EEF2K: variants seen among roughly 807,000 people sequenced by gnomAD.
EEF2K encodes alternative protein EEF2K.
A neutral mutation model predicts 93.8 loss-of-function variants in EEF2K; 70 were observed. That is an observed-to-expected ratio of 0.75 (90% CI 0.62 to 0.91). The LOEUF is 0.91. Among genes scored for constraint, EEF2K ranks in the 40% least tolerant of loss-of-function variants. The probability of loss-of-function intolerance (pLI) is 0.00; values close to 1 mark genes in which losing one functional copy is unlikely to be tolerated. For synonymous variants in EEF2K, 376 were observed against 380.8 expected, an observed-to-expected ratio of 0.99 and a Z score of 0.15; for missense variants, 935 against 972.9, an observed-to-expected ratio of 0.96 and a Z score of 0.52.
chr16:22,256,739 TCC>T lies in EEF2K; in HGVS notation c.619-7_619-6del, dbSNP rs750681800. Reference sequence around the variant, plus strand: ...CCCTCCCGCCTGAGCCCACTCCCCATCCCACCAGGTGGACATCATGCAGATGT... The same window carrying T: ...CCCTCCCGCCTGAGCCCACTCCCCATCACCAGGTGGACATCATGCAGATGT... On this transcript the variant is annotated splice_region_variant and splice_polypyrimidine_tract_variant and intron_variant, in intron 6 of 17. Transcript: ENST00000263026. 13 of 1,612,856 alleles carry T rather than the reference TCC, an allele frequency of 8.1e-6. No individual in the cohort carries two copies. Among genetic ancestry groups the T allele is most frequent in the African/African-American group, 5.3e-5 (4 of 74,814 alleles).
intron 2 of EEF2K, among the ~76,000 whole-genome samples, chr16:22,229,478 A>G (rs946305307): frequency 6.6e-6 from 1 of 152,122 alleles, no homozygotes; most frequent in East Asian, 1.9e-4. Context: ...ACGGGCAGGC[A>G]GATCACCTGA....
At position 22,226,326 on chromosome 16, in the gene EEF2K, T is replaced by A. The variant is rs2047062871; in HGVS notation, c.246+351T>A. On this transcript the variant is annotated intron_variant, in intron 2 of 17. Transcript: ENST00000263026. ...AGGCTGGAGTGCAGAGGTGCTGTTC[T>A]TTTTTTTTTTTTTTTTTTTTTTTTA... is the stretch of plus-strand genomic sequence containing the variant. Among the ~76,000 whole-genome samples, 3 of 69,532 alleles carry A rather than the reference T, an allele frequency of 4.3e-5. No individual in the cohort carries two copies. The Admixed American group carries it at 5.1e-4, about 12-fold the overall frequency. 45.6% of individuals were successfully genotyped at this position (69,532 alleles called of 152,430 possible). A position where few individuals can be genotyped will look rare whatever the true frequency, so the allele number is the denominator to read the frequency against.
chr16:22,234,565 G>C (rs898650422), intron 2 of EEF2K, among the ~76,000 whole-genome samples: 2 of 151,604 alleles, frequency 1.3e-5, no homozygotes, highest in Non-Finnish European at 2.9e-5. Context: ...AATTTTAGCA[G>C]TTTTTGGAAA....
chr16:22,261,438 C>G (rs1227684256), intron 11 of EEF2K, among the ~76,000 whole-genome samples: 1 of 152,096 alleles, frequency 6.6e-6, no homozygotes, highest in Non-Finnish European at 1.5e-5. Context: ...CCTGTAATCC[C>G]AGCACTTTGG....
chr16:22,217,792 T>C (rs1308846509), intron 1 of EEF2K, among the ~76,000 whole-genome samples: 10 of 152,126 alleles, frequency 6.6e-5, no homozygotes. Flanking sequence ...AGAAAACCTA[T>C]CTGTAACTAG....
At chr16:22,251,019 C>T (rs140219296) in intron 5 of EEF2K, 132 bp from the exon 6 acceptor site, 5 of 1,116,316 alleles carry the variant, frequency 4.5e-6, no homozygotes, top group Admixed American at 2.2e-5. Flanking sequence ...GTCCTTCTTA[C>T]CTCCTGCATT....
At chr16:22,257,897 G>A in intron 9 of EEF2K, 127 bp downstream of exon 9, 1 of 1,413,968 alleles carries the variant, frequency 7.1e-7, no homozygotes, top group Non-Finnish European at 9.6e-7. Flanking sequence ...AGGGCTGGAA[G>A]CATCTGTCCC....
rs1210893018 is a variant in EEF2K, at chr16:22,225,638, C to A, written c.-76-16C>A. 9.1e-6 allele frequency: 14 copies of A among 1,543,780 alleles called. No individual in the cohort carries two copies. The highest frequency in any genetic ancestry group is 1.2e-5 in the Non-Finnish European group (14 of 1,147,278). ...GGGCCCCAGCACCCACTCTCTGGCC[C>A]TTGCTTTCCTTGTAGGACCTTCGCC... On this transcript the variant is annotated splice_polypyrimidine_tract_variant and intron_variant, in intron 1 of 17. Transcript: ENST00000263026.
At chr16:22,275,595 T>TGCCTCC (rs1193965270) in intron 16 of EEF2K, among the ~76,000 whole-genome samples, 2 of 151,608 alleles carry the variant, frequency 1.3e-5, no homozygotes, top group Non-Finnish European at 2.9e-5. Flanking sequence ...TACCTGCCTC[T>TGCCTCC]GCCTCCCAAA....
chr16:22,244,397 C>T (rs947113078), intron 2 of EEF2K, among the ~76,000 whole-genome samples: 3 of 151,158 alleles, frequency 2.0e-5, no homozygotes, highest in Admixed American at 6.6e-5. Flanking sequence ...CTCTTTGATC[C>T]AAGCGTTGTG....
intron 16 of EEF2K, among the ~76,000 whole-genome samples, chr16:22,278,196 A>C (rs1041932636): frequency 3.9e-5 from 6 of 152,096 alleles, no homozygotes; most frequent in African/African-American, 1.4e-4. Flanking sequence ...AACAGAGTGA[A>C]ACGCTATCTC....
intron 15 of EEF2K, among the ~76,000 whole-genome samples, chr16:22,273,331 A>G (rs878920281): frequency 3.3e-5 from 5 of 152,206 alleles, no homozygotes; most frequent in Non-Finnish European, 7.3e-5. Context: ...AGCCATAGAA[A>G]CAGGCAGTAA....
chr16:22,228,169 G>A (rs992855666), intron 2 of EEF2K, among the ~76,000 whole-genome samples: 2 of 152,026 alleles, frequency 1.3e-5, no homozygotes, highest in African/African-American at 4.8e-5. Flanking sequence ...AGTATTGTGT[G>A]TCACACATTA....
chr16:22,246,183 A>G (rs577092263), intron 3 of EEF2K, among the ~76,000 whole-genome samples: 1 of 152,138 alleles, frequency 6.6e-6, no homozygotes, highest in African/African-American at 2.4e-5. Flanking sequence ...ACTCAGGGAA[A>G]CACTTACTCA....
At chr16:22,271,560 G>A (rs1264387971) in intron 15 of EEF2K, among the ~76,000 whole-genome samples, 1 of 151,590 alleles carries the variant, frequency 6.6e-6, no homozygotes, top group East Asian at 1.9e-4. Context: ...AATTAGCCTG[G>A]TGTGGTGCAC....
chr16:22,248,619 C>A, intron 3 of EEF2K, 136 bp from the exon 4 acceptor site: 2 of 961,126 alleles, frequency 2.1e-6, no homozygotes, highest in Non-Finnish European at 3.2e-6. Context: ...AGGAGGTTGG[C>A]TGGGCTATGG....
intron 2 of EEF2K, among the ~76,000 whole-genome samples, chr16:22,234,877 C>CTTTTT (rs1173052779): frequency 0.066 from 6,008 of 90,532 alleles, 377 homozygotes; most frequent in East Asian, 0.25. Flanking sequence ...TTTTTTGTTG[C>CTTTTT]TTTTTTTTTT....
chr16:22,224,065 C>T (rs917683574), intron 1 of EEF2K, among the ~76,000 whole-genome samples: 20 of 151,952 alleles, frequency 1.3e-4, no homozygotes, highest in Middle Eastern at 3.4e-3. Flanking sequence ...AAATTAGCCG[C>T]GCGTGGTAGT....
rs17841292 is a variant in EEF2K at position 22,225,952 on chromosome 16, C to A, written c.223C>A (p.Pro75Thr). The A allele has an allele frequency of 6.8e-6, 11 of 1,613,910 alleles. 1 individual carries two copies. The Admixed American group carries it at 1.5e-4, about 22-fold the overall frequency. ...KSERYSSSGS[P>T]ANSFHFKEAW... ...TGAGCGGTATAGCTCCAGCGGGTCC[C>A]CGGCAAACTCCTTCCACTTCAAGGT... Residue 75 changes from proline (P) to threonine (T), a missense_variant, in exon 2 of 18, where the codon CCG becomes ACG. Transcript: ENST00000263026.
Sources: gnomAD v4.1 joint callset for allele counts (sites outside exome capture counted in the v4.1 genomes callset) on GRCh38, gnomAD v4.1.1 for gene constraint, MANE v1.5 for transcripts, NCBI Gene and HGNC (gene_info 2026-07-23, HGNC 2026-07-21) for gene names.